KCNH1: variants seen among roughly 807,000 people sequenced by gnomAD.
The protein encoded by KCNH1 is potassium voltage-gated channel subfamily H member 1.
KCNH1 carries 27 observed loss-of-function variants against 69.2 expected under a neutral mutation model. That is an observed-to-expected ratio of 0.39 (90% CI 0.29 to 0.54). KCNH1 has a LOEUF of 0.54. Among genes scored for constraint, KCNH1 ranks in the 20% least tolerant of loss-of-function variants. The probability of loss-of-function intolerance (pLI) is 0.68; values close to 1 mark genes in which losing one functional copy is unlikely to be tolerated. For missense variants in KCNH1, 798 were observed against 1,261.6 expected (o/e 0.63, Z 5.57); for synonymous variants, 456 against 487.7 (o/e 0.93, Z 0.86).
chr1:210,716,068 G>T (rs972824494), intron 10 of KCNH1, among the ~76,000 whole-genome samples: 1 of 151,948 alleles, frequency 6.6e-6, no homozygotes, highest in Non-Finnish European at 1.5e-5. Flanking sequence ...CCCTGCTCTT[G>T]CCCCCTCCCC....
chr1:210,914,185 A>G (rs758219704), intron 7 of KCNH1, among the ~76,000 whole-genome samples: 3 of 152,156 alleles, frequency 2.0e-5, no homozygotes, highest in Non-Finnish European at 4.4e-5. Flanking sequence ...TGTGGCCAAT[A>G]GCACTGAAGC....
intron 2 of KCNH1, among the ~76,000 whole-genome samples, chr1:211,105,819 C>G (rs1468973712): frequency 1.3e-5 from 2 of 152,090 alleles, no homozygotes; most frequent in Non-Finnish European, 2.9e-5. Context: ...AAGAGGATAA[C>G]AGCACACAAA....
chr1:211,092,356 C>A (rs1386544121), intron 3 of KCNH1, among the ~76,000 whole-genome samples: 2 of 152,220 alleles, frequency 1.3e-5, no homozygotes, highest in African/African-American at 4.8e-5. Flanking sequence ...GCTACACCAC[C>A]TATTCACATG....
chr1:210,997,777 CCACAAAGGGAAGCCCATCAGACT>C (rs1689081074), intron 6 of KCNH1, among the ~76,000 whole-genome samples: 1 of 152,206 alleles, frequency 6.6e-6, no homozygotes, highest in Non-Finnish European at 1.5e-5. Flanking sequence ...ATCGGGTTAT[CCACAAAGGGAAGCCCATCAGACT>C]AACAGCTGAT....
At chr1:210,724,362 T>A (rs557582259) in intron 10 of KCNH1, among the ~76,000 whole-genome samples, 75 of 152,242 alleles carry the variant, frequency 4.9e-4, no homozygotes, top group African/African-American at 1.8e-3. Context: ...ACTGATCCAG[T>A]AAGCAGTAGA....
intron 10 of KCNH1, among the ~76,000 whole-genome samples, chr1:210,694,621 G>A (rs1302742842): frequency 1.3e-5 from 2 of 152,212 alleles, no homozygotes; most frequent in Non-Finnish European, 2.9e-5. Context: ...AGCTGGGCAG[G>A]CCCTAGTCCC....
intron 6 of KCNH1, among the ~76,000 whole-genome samples, chr1:210,965,169 A>C (rs1026832317): frequency 6.6e-6 from 1 of 152,202 alleles, no homozygotes; most frequent in East Asian, 1.9e-4. Flanking sequence ...AACTGGAAGC[A>C]TTCCCTTTGA....
At chr1:210,899,854 T>C (rs77483592) in intron 7 of KCNH1, among the ~76,000 whole-genome samples, 4,941 of 152,312 alleles carry the variant, frequency 0.032, 261 homozygotes, top group African/African-American at 0.11. Context: ...AGCCTATGTC[T>C]GTCAAATGCT....
intron 7 of KCNH1, among the ~76,000 whole-genome samples, chr1:210,907,017 A>G (rs1267847954): frequency 2.0e-5 from 3 of 152,252 alleles, no homozygotes; most frequent in Non-Finnish European, 4.4e-5. Context: ...AACTTCTGGC[A>G]TCAAAGGACA....
intron 10 of KCNH1, among the ~76,000 whole-genome samples, chr1:210,764,221 A>G (rs1438995265): frequency 1.3e-5 from 2 of 152,224 alleles, no homozygotes; most frequent in East Asian, 3.8e-4. Context: ...AATTAACACA[A>G]GATGAATTAA....
intron 9 of KCNH1, among the ~76,000 whole-genome samples, chr1:210,788,720 G>C (rs1261045854): frequency 8.5e-6 from 1 of 117,646 alleles, no homozygotes; most frequent in Non-Finnish European, 1.6e-5. Context: ...TTTTTGAGAC[G>C]GAGTCTCGCT....
chr1:210,789,780 T>A (rs1684177767), intron 9 of KCNH1, among the ~76,000 whole-genome samples: 1 of 152,250 alleles, frequency 6.6e-6, no homozygotes, highest in Non-Finnish European at 1.5e-5. Context: ...AATCAATGTT[T>A]TTCCCTCACA....
At chr1:210,938,608 T>C (rs1286451827) in intron 6 of KCNH1, among the ~76,000 whole-genome samples, 1 of 152,174 alleles carries the variant, frequency 6.6e-6, no homozygotes, top group Non-Finnish European at 1.5e-5. Context: ...GGAATCTCTC[T>C]TTAGTCATAC....
At chr1:210,899,497 A>G (rs1031102742) in intron 7 of KCNH1, among the ~76,000 whole-genome samples, 12 of 152,086 alleles carry the variant, frequency 7.9e-5, no homozygotes, top group African/African-American at 2.6e-4. Flanking sequence ...TGAGATATAT[A>G]TATATATATT....
chr1:211,071,259 T>C (rs1415970596), intron 5 of KCNH1, among the ~76,000 whole-genome samples: 2 of 152,206 alleles, frequency 1.3e-5, no homozygotes, highest in African/African-American at 2.4e-5. Context: ...AATCTAACTT[T>C]TTCTTGTAAC....
intron 6 of KCNH1, among the ~76,000 whole-genome samples, chr1:211,013,613 T>A (rs933150454): frequency 6.6e-6 from 1 of 151,974 alleles, no homozygotes; most frequent in Non-Finnish European, 1.5e-5. Flanking sequence ...GAGACTAGAG[T>A]CCGGTTTCAC....
chr1:210,911,271 G>T (rs1687225815), intron 7 of KCNH1, among the ~76,000 whole-genome samples: 1 of 152,018 alleles, frequency 6.6e-6, no homozygotes, highest in South Asian at 2.1e-4. Context: ...CCTCCTCACT[G>T]GGGAGACACC....
chr1:210,728,031 T>A (rs146017426), intron 10 of KCNH1, among the ~76,000 whole-genome samples: 7 of 152,220 alleles, frequency 4.6e-5, no homozygotes, highest in Non-Finnish European at 1.0e-4. Context: ...CCAGAATCAA[T>A]TGATACTTGT....
intron 7 of KCNH1, chr1:210,859,019 G>C (rs1035037796): frequency 3.4e-6 from 2 of 581,428 alleles, no homozygotes; most frequent in Non-Finnish European, 6.1e-6. Flanking sequence ...GCATGATCAG[G>C]TCCCATCTCC....
Sources: allele counts gnomAD v4.1 joint callset (sites outside exome capture counted in the v4.1 genomes callset), GRCh38; gene constraint gnomAD v4.1.1; transcripts MANE v1.5; gene names NCBI Gene and HGNC (gene_info 2026-07-23, HGNC 2026-07-21).